The following TGFBR1 variants were observed in gnomAD, a reference collection of about 807,000 sequenced individuals.
The protein encoded by TGFBR1 is transforming growth factor beta receptor 1, also known as TGF-beta receptor type-1.
A neutral mutation model predicts 55.1 loss-of-function variants in TGFBR1; 20 were observed. The ratio of observed to expected loss-of-function variants is 0.36; its 90% CI spans 0.26 to 0.53. TGFBR1 has a LOEUF of 0.53. Among genes scored for constraint, TGFBR1 ranks in the 20% least tolerant of loss-of-function variants. The pLI is 0.91. For synonymous variants in TGFBR1, 220 were observed against 214.8 expected, an observed-to-expected ratio of 1.02 and a Z score of -0.21; for missense variants, 385 against 617.6, an observed-to-expected ratio of 0.62 and a Z score of 3.99.
chr9:99,119,781 G>C (rs1009927052), intron 1 of TGFBR1, among the ~76,000 whole-genome samples: 2 of 152,192 alleles, frequency 1.3e-5, no homozygotes, highest in Non-Finnish European at 2.9e-5. Context: ...AGCCAGGTCT[G>C]TTCAGTCATA....
At chr9:99,105,563 C>G (rs1305568209) in intron 1 of TGFBR1, among the ~76,000 whole-genome samples, 1 of 151,330 alleles carries the variant, frequency 6.6e-6, no homozygotes, top group African/African-American at 2.4e-5. Flanking sequence ...GCTCGGGACT[C>G]CCCGGGGAGG....
At chr9:99,108,415 T>C (rs879533151) in intron 1 of TGFBR1, among the ~76,000 whole-genome samples, 9 of 152,248 alleles carry the variant, frequency 5.9e-5, no homozygotes, top group Non-Finnish European at 8.8e-5. Flanking sequence ...CACTGGGCCA[T>C]GTGTGTTTTG....
intron 1 of TGFBR1, among the ~76,000 whole-genome samples, chr9:99,125,491 C>A (rs756519593): frequency 6.6e-6 from 1 of 152,238 alleles, no homozygotes; most frequent in African/African-American, 2.4e-5. Flanking sequence ...CCATATAGCA[C>A]TTGCATATAA....
chr9:99,125,784 A>G (rs778225859), intron 1 of TGFBR1, among the ~76,000 whole-genome samples: 1 of 152,206 alleles, frequency 6.6e-6, no homozygotes, highest in Non-Finnish European at 1.5e-5. Context: ...CTTTGAAGTG[A>G]AAATATGTTC....
At chr9:99,120,232 C>G (rs971426079) in intron 1 of TGFBR1, among the ~76,000 whole-genome samples, 4 of 152,184 alleles carry the variant, frequency 2.6e-5, no homozygotes, top group African/African-American at 4.8e-5. Flanking sequence ...GTTTTTCTGT[C>G]TCTGAGTTCC....
rs1828015329 is a variant in TGFBR1 at position 99,152,837 on chromosome 9, T to A, written c.*3532T>A. On this transcript the variant is annotated 3_prime_UTR_variant, in exon 9 of 9. Transcript: ENST00000374994. The stretch of plus-strand genomic sequence containing the variant: ...TGCAGCTTCTTGTCTCTGTTTTGGA[T>A]TACTGGAATACCCATGGGCCCTCTC... 1 of 231,504 alleles carries A rather than the reference T, an allele frequency of 4.3e-6. No individual in the cohort carries two copies. Among genetic ancestry groups the A allele is most frequent in the African/African-American group, 2.2e-5 (1 of 45,246 alleles). 14.3% of individuals were successfully genotyped at this position (231,504 alleles called of 1,614,324 possible).
chr9:99,149,218 G>T lies in TGFBR1; in HGVS notation c.1425G>T (p.Trp475Cys), dbSNP rs767589799. Residue 475 changes from tryptophan (W) to cysteine (C), a missense_variant, in exon 9 of 9, where the codon TGG (tryptophan) becomes TGT (cysteine). Around this residue, in one of 5 missense-constraint regions of TGFBR1, gnomAD observed 110 missense variants for 154.6 expected, o/e 0.71. Transcript: ENST00000374994. ...TGGCTAAAATTATGAGAGAATGTTG[G>T]TATGCCAATGGAGCAGCTAGGCTTA... Reference protein sequence around the residue: ...RVMAKIMRECWYANGAARLTA... With the variant: ...RVMAKIMRECCYANGAARLTA... 22 of 1,613,294 alleles carry T rather than the reference G, an allele frequency of 1.4e-5. No individual in the cohort carries two copies. The Admixed American group carries it at 3.5e-4, about 26-fold the overall frequency.
rs774583379 is a variant in TGFBR1 at position 99,132,737 on chromosome 9, C to T, written c.572C>T (p.Ser191Leu). 1 of 1,614,074 alleles carries T rather than the reference C, an allele frequency of 6.2e-7. No homozygotes were observed. Among genetic ancestry groups the T allele is most frequent in the Non-Finnish European group, 8.5e-7 (1 of 1,180,002 alleles). ...IYDMTTSGSG[S>L]GLPLLVQRTI... is the part of the protein sequence containing the mutation. ...GATATGACAACGTCAGGTTCTGGCT[C>T]AGGTAACATAATTGTTTCTCCTTTT... Residue 191 changes from serine (S) to leucine (L), a missense_variant and splice_region_variant, in exon 3 of 9, where the codon TCA (serine) becomes TTA (leucine). By Grantham distance (145) the Ser-to-Leu change is moderately radical. Transcript: ENST00000374994.
At chr9:99,137,760 A>G (rs1451422078) in intron 3 of TGFBR1, 99 bp from the exon 4 acceptor site, 3 of 900,776 alleles carry the variant, frequency 3.3e-6, no homozygotes, top group Non-Finnish European at 5.5e-6. Flanking sequence ...GGGATAGCTT[A>G]AAGTATCAGT....
At position 99,105,163 on chromosome 9, in the gene TGFBR1, C is replaced by T. The variant is rs886063219; in HGVS notation, c.-43C>T. On this transcript the variant is annotated 5_prime_UTR_variant, in exon 1 of 9. Transcript: ENST00000374994. ...GAGGTTTGCTGGGGTGAGGCAGCGGCGCGGCCGGGCCGGGCCGGGCCACAG... is the reference window on the plus strand; with the variant it reads ...GAGGTTTGCTGGGGTGAGGCAGCGGTGCGGCCGGGCCGGGCCGGGCCACAG... 1.8e-6 allele frequency: 2 copies of T among 1,084,480 alleles called. No homozygotes were observed. Among genetic ancestry groups the T allele is most frequent in the Non-Finnish European group, 1.1e-6 (1 of 893,578 alleles). The allele number at this position is 1,084,480 out of a possible 1,614,324, so 67.2% of individuals were successfully genotyped here.
intron 1 of TGFBR1, among the ~76,000 whole-genome samples, chr9:99,127,399 T>C (rs567889442): frequency 5.9e-5 from 9 of 152,250 alleles, no homozygotes; most frequent in African/African-American, 1.9e-4. Context: ...CCAGCAGTAA[T>C]AGGTGTTCAC....
At chr9:99,108,135 CT>C (rs1564124805) in intron 1 of TGFBR1, among the ~76,000 whole-genome samples, 1 of 152,124 alleles carries the variant, frequency 6.6e-6, no homozygotes, top group African/African-American at 2.4e-5. Flanking sequence ...TTGAGCATTC[CT>C]TTAATATTTA....
At chr9:99,117,579 G>T (rs991775672) in intron 1 of TGFBR1, among the ~76,000 whole-genome samples, 1 of 152,126 alleles carries the variant, frequency 6.6e-6, no homozygotes, top group Non-Finnish European at 1.5e-5. Flanking sequence ...CGGATATCTG[G>T]TTGACTCAGA....
intron 1 of TGFBR1, among the ~76,000 whole-genome samples, chr9:99,109,738 A>G (rs1197919041): frequency 1.3e-5 from 2 of 152,136 alleles, no homozygotes; most frequent in African/African-American, 4.8e-5. Context: ...GAACAGATGG[A>G]CTGTGGTTTG....
chr9:99,121,196 G>A (rs1016030048), intron 1 of TGFBR1, among the ~76,000 whole-genome samples: 1 of 152,078 alleles, frequency 6.6e-6, no homozygotes, highest in Non-Finnish European at 1.5e-5. Flanking sequence ...AATATTATCT[G>A]GACTAGAGGA....
chr9:99,124,858 C>T (rs1826993350), intron 1 of TGFBR1, among the ~76,000 whole-genome samples: 1 of 151,676 alleles, frequency 6.6e-6, no homozygotes, highest in Admixed American at 6.6e-5. Flanking sequence ...TCAAATTTAC[C>T]GTAATGTAAT....
rs1827120512 is a variant in TGFBR1, at chr9:99,128,847, T to C, written c.98-8T>C. 6.2e-7 allele frequency: 1 copy of C among 1,613,622 alleles called. No individual in the cohort carries two copies. The highest frequency in any genetic ancestry group is 8.5e-7 in the Non-Finnish European group (1 of 1,179,846). On this transcript the variant is annotated splice_region_variant and splice_polypyrimidine_tract_variant and intron_variant, in intron 1 of 8. Coordinates refer to ENST00000374994, the MANE Select transcript of TGFBR1 (RefSeq NM_004612.4). ...AGATTTTTTCTAAGAATCTTTCTCT[T>C]TTTCCAGCGTTACAGTGTTTCTGCC...
intron 3 of TGFBR1, among the ~76,000 whole-genome samples, chr9:99,135,622 G>A (rs762797878): frequency 1.4e-4 from 22 of 152,166 alleles, no homozygotes; most frequent in Non-Finnish European, 2.4e-4. Context: ...GCTTTTGTAA[G>A]TGAGTCTTCT....
At chr9:99,121,463 A>G (rs1479556945) in intron 1 of TGFBR1, among the ~76,000 whole-genome samples, 1 of 152,142 alleles carries the variant, frequency 6.6e-6, no homozygotes, top group Non-Finnish European at 1.5e-5. Context: ...AGAAAAGAGG[A>G]CACGTCTCCT....
Sources: allele counts gnomAD v4.1 joint callset (sites outside exome capture counted in the v4.1 genomes callset), GRCh38; gene constraint gnomAD v4.1.1; regional missense constraint gnomAD v4.1.1; transcripts MANE v1.5; gene names NCBI Gene and HGNC (gene_info 2026-07-23, HGNC 2026-07-21).